GUCY2C: variants seen among roughly 807,000 people sequenced by gnomAD.
GUCY2C encodes the protein guanylate cyclase 2C.
In GUCY2C, 118 loss-of-function variants were observed where a neutral mutation model predicts 131.1. The ratio of observed to expected loss-of-function variants is 0.90; its 90% CI spans 0.78 to 1.05. The LOEUF (loss-of-function observed/expected upper bound fraction) is 1.05, where lower values mean the gene tolerates loss of function less well. Ranked by LOEUF, GUCY2C falls within the 50% of genes least tolerant of loss-of-function variation. The pLI is 0.00. For missense variants in GUCY2C, 1,161 were observed against 1,304.4 expected, an observed-to-expected ratio of 0.89 and a Z score of 1.69; for synonymous variants, 452 against 457.8, an observed-to-expected ratio of 0.99 and a Z score of 0.16.
chr12:14,669,749 T>G lies in GUCY2C; in HGVS notation c.1255A>C (p.Lys419Gln). Residue 419 changes from lysine (K) to glutamine (Q), a missense_variant, in exon 10 of 27, where the codon AAA (lysine) becomes CAA (glutamine). Physicochemically the swap from Lys to Gln is moderately conservative, Grantham distance 53. Transcript: ENST00000261170. ...CGGCCTGTAATATCATTAGGAAGTT[T>G]AGAGTTCTTCCAAGTGAATGTGGGG... ...MSPTFTWKNS[K>Q]LPNDITGRGP... 6.3e-7 allele frequency: 1 copy of G among 1,592,154 alleles called. No homozygotes were observed. The highest frequency in any genetic ancestry group is 1.7e-5 in the Admixed American group (1 of 59,404).
At chr12:14,675,062 T>A (rs985551665) in intron 7 of GUCY2C, among the ~76,000 whole-genome samples, 6 of 151,634 alleles carry the variant, frequency 4.0e-5, no homozygotes, top group South Asian at 2.1e-4. Flanking sequence ...TACAAAAAAA[T>A]TAGCCTGCTG....
At chr12:14,627,403 A>C (rs1592084159) in intron 20 of GUCY2C, among the ~76,000 whole-genome samples, 1 of 152,166 alleles carries the variant, frequency 6.6e-6, no homozygotes, top group Non-Finnish European at 1.5e-5. Flanking sequence ...TTTACTTGAA[A>C]CTGCCAGTAC....
At chr12:14,695,552 G>T (rs578204568) in intron 1 of GUCY2C, among the ~76,000 whole-genome samples, 1 of 136,546 alleles carries the variant, frequency 7.3e-6, no homozygotes, top group Non-Finnish European at 1.5e-5. Flanking sequence ...AGTGAGCCGA[G>T]ATCGTGCCAC....
chr12:14,648,022 G>A (rs190011730), intron 15 of GUCY2C, among the ~76,000 whole-genome samples: 33 of 151,638 alleles, frequency 2.2e-4, no homozygotes, highest in African/African-American at 7.3e-4. Context: ...GTGCAATGGC[G>A]GGATCTCAGC....
chr12:14,645,064 C>T (rs550637114), intron 16 of GUCY2C, among the ~76,000 whole-genome samples, 165 bp downstream of exon 16: 1 of 152,228 alleles, frequency 6.6e-6, no homozygotes, highest in South Asian at 2.1e-4. Flanking sequence ...TAAGCACGTG[C>T]ATTATTTCAC....
intron 3 of GUCY2C, among the ~76,000 whole-genome samples, chr12:14,683,910 G>A (rs1174222779): frequency 6.6e-6 from 1 of 152,028 alleles, no homozygotes; most frequent in African/African-American, 2.4e-5. Context: ...GATTGCAAAG[G>A]CTTCTTTGAC....
Position 14,621,220 on chromosome 12 carries a change from T to C in GUCY2C, c.2602-4A>G, listed in dbSNP as rs1482409821. ...ACGCATCACCGATGGTTTCCACCTG[T>C]GGAAACAGTTTCTCATGAGTGCCTC... is the stretch of plus-strand genomic sequence containing the variant. On this transcript the variant is annotated splice_polypyrimidine_tract_variant and splice_region_variant and intron_variant, in intron 22 of 26. Transcript: ENST00000261170. The C allele has an allele frequency of 6.2e-7, 1 of 1,607,888 alleles. No individual in the cohort carries two copies. The highest frequency in any genetic ancestry group is 8.5e-7 in the Non-Finnish European group (1 of 1,175,728).
chr12:14,665,642 T>C (rs949217048), intron 10 of GUCY2C: 2 of 152,240 alleles, frequency 1.3e-5, no homozygotes, highest in East Asian at 3.8e-4. Context: ...AAGCAGATGC[T>C]GAGGACTTGG....
At chr12:14,680,730 C>A (rs929932000) in intron 5 of GUCY2C, among the ~76,000 whole-genome samples, 3 of 152,054 alleles carry the variant, frequency 2.0e-5, no homozygotes, top group Non-Finnish European at 4.4e-5. Flanking sequence ...TGAATAAGTT[C>A]TTTAGTGGTG....
chr12:14,630,372 A>C (rs1947117173), intron 19 of GUCY2C, among the ~76,000 whole-genome samples: 1 of 152,146 alleles, frequency 6.6e-6, no homozygotes, highest in Admixed American at 6.5e-5. Flanking sequence ...ATCCTGTGCC[A>C]CAGAGTGAAA....
chr12:14,672,294 A>G (rs1948130647), intron 9 of GUCY2C: 1 of 152,184 alleles, frequency 6.6e-6, no homozygotes, highest in South Asian at 2.1e-4. Flanking sequence ...ATAAGAAGCT[A>G]TGCACTGAAA....
chr12:14,666,243 G>A (rs556027902), intron 10 of GUCY2C, among the ~76,000 whole-genome samples: 5 of 152,126 alleles, frequency 3.3e-5, no homozygotes, highest in South Asian at 2.1e-4. Flanking sequence ...GGCTTTACCC[G>A]GCCGGCACAA....
intron 11 of GUCY2C, among the ~76,000 whole-genome samples, chr12:14,659,589 A>G (rs1947827049): frequency 6.6e-6 from 1 of 152,152 alleles, no homozygotes; most frequent in South Asian, 2.1e-4. Context: ...CTTCAAGTAA[A>G]TGCATGTAAA....
At chr12:14,641,609 A>G (rs1947406144) in intron 17 of GUCY2C, among the ~76,000 whole-genome samples, 1 of 152,162 alleles carries the variant, frequency 6.6e-6, no homozygotes, top group African/African-American at 2.4e-5. Flanking sequence ...TTAGTAGTTT[A>G]TGGGACATAT....
intron 3 of GUCY2C, among the ~76,000 whole-genome samples, chr12:14,685,777 A>G (rs1948456188): frequency 1.3e-5 from 2 of 152,100 alleles, no homozygotes; most frequent in South Asian, 2.1e-4. Flanking sequence ...ATAGAACAGA[A>G]CCCTACTAGT....
At chr12:14,677,990 C>CT (rs1565632100) in intron 6 of GUCY2C, among the ~76,000 whole-genome samples, 2 of 152,030 alleles carry the variant, frequency 1.3e-5, no homozygotes, top group Non-Finnish European at 2.9e-5. Context: ...TATTTAAAAA[C>CT]TTTTTTTAGG....
chr12:14,639,985 G>T, intron 18 of GUCY2C, 35 bp from the exon 19 acceptor site: 1 of 1,273,002 alleles, frequency 7.9e-7, no homozygotes, highest in African/African-American at 1.5e-5. Flanking sequence ...TTACAAAGAA[G>T]AATACAGCAT....
In GUCY2C at chr12:14,626,961, C is replaced by A. The variant is rs1174032671; in HGVS notation, c.2250-1046G>T. Reference sequence around the variant, plus strand: ...ATGAAAGGAGAAGGACTGAGAAAAGCCAAGCTGAGCCTTAAATTATCTCCT... The same window carrying A: ...ATGAAAGGAGAAGGACTGAGAAAAGACAAGCTGAGCCTTAAATTATCTCCT... On this transcript the variant is annotated intron_variant, in intron 20 of 26. Coordinates refer to ENST00000261170, the MANE Select transcript of GUCY2C (RefSeq NM_004963.4). Among the ~76,000 whole-genome samples the A allele has an allele frequency of 2.6e-5, 4 of 152,040 alleles. No individual in the cohort carries two copies. The South Asian group carries it at 6.2e-4, about 24-fold the overall frequency.
chr12:14,645,318 G>A lies in GUCY2C; in HGVS notation c.1711-3C>T, dbSNP rs200276263. ...GAAATTGTGTCATTTAAAACTTCCT[G>A]AATAGGAAAAAAGAAGAAGAAGAAA... On this transcript the variant is annotated splice_region_variant and splice_polypyrimidine_tract_variant and intron_variant, in intron 15 of 26. Coordinates refer to ENST00000261170, the MANE Select transcript of GUCY2C (RefSeq NM_004963.4). The A allele has an allele frequency of 6.1e-5, 91 of 1,490,540 alleles. No homozygotes were observed. The highest frequency in any genetic ancestry group is 8.3e-5 in the Non-Finnish European group (89 of 1,071,486). 92.3% of individuals were successfully genotyped at this position (1,490,540 alleles called of 1,614,324 possible). A position where few individuals can be genotyped will look rare whatever the true frequency, so the allele number is the denominator to read the frequency against.
Sources: allele counts gnomAD v4.1 joint callset (sites outside exome capture counted in the v4.1 genomes callset), GRCh38; gene constraint gnomAD v4.1.1; transcripts MANE v1.5; gene names NCBI Gene and HGNC (gene_info 2026-07-23, HGNC 2026-07-21).